Variants in CLIP1 observed in about 807,000 individuals in gnomAD.
The protein encoded by CLIP1 is CAP-Gly domain-containing linker protein 1.
In CLIP1, 66 loss-of-function variants were observed where a neutral mutation model predicts 161.6. The ratio of observed to expected loss-of-function variants is 0.41; its 90% CI spans 0.33 to 0.50. The LOEUF (loss-of-function observed/expected upper bound fraction) is 0.50. Ranked by LOEUF, CLIP1 falls within the 20% of genes least tolerant of loss-of-function variation. The pLI, the probability that CLIP1 is intolerant of heterozygous loss-of-function variation, is 0.27. For synonymous variants in CLIP1, 598 were observed against 626.2 expected (o/e 0.96, Z 0.67); for missense variants, 1,376 against 1,702.0 (o/e 0.81, Z 3.37).
intron 1 of CLIP1, among the ~76,000 whole-genome samples, chr12:122,404,445 A>G (rs1400009721): frequency 3.9e-5 from 6 of 152,096 alleles, no homozygotes; most frequent in Non-Finnish European, 7.3e-5. Flanking sequence ...CTAAAAATAT[A>G]AAAATTAGCT....
intron 2 of CLIP1, among the ~76,000 whole-genome samples, chr12:122,378,302 G>T (rs1050116472): frequency 3.3e-5 from 5 of 152,086 alleles, no homozygotes; most frequent in Admixed American, 2.0e-4. Flanking sequence ...GGCCAGGCTG[G>T]TCTCAAACTC....
chr12:122,374,411 G>A (rs917707952), intron 3 of CLIP1, among the ~76,000 whole-genome samples: 1 of 151,426 alleles, frequency 6.6e-6, no homozygotes, highest in African/African-American at 2.4e-5. Context: ...ACGAGGTCAA[G>A]AGATCGAGAC....
At chr12:122,412,060 C>CTTT (rs71082989) in intron 1 of CLIP1, among the ~76,000 whole-genome samples, 36 of 81,578 alleles carry the variant, frequency 4.4e-4, no homozygotes, top group African/African-American at 1.5e-3. Flanking sequence ...CAGTTATTTT[C>CTTT]TTTTTTTTTT....
At chr12:122,372,003 C>T (rs1014470944) in intron 3 of CLIP1, among the ~76,000 whole-genome samples, 10 of 152,090 alleles carry the variant, frequency 6.6e-5, no homozygotes, top group South Asian at 2.1e-4. Flanking sequence ...AAAACTTGGC[C>T]GGGCACAGTG....
Position 122,328,444 on chromosome 12 carries a change from A to G in CLIP1, c.2868-18T>C, listed in dbSNP as rs767319404. 1 of 1,490,856 alleles carries G rather than the reference A, an allele frequency of 6.7e-7. No individual in the cohort carries two copies. The highest frequency in any genetic ancestry group is 1.4e-5 in the South Asian group (1 of 72,298). The allele number at this position is 1,490,856 out of a possible 1,614,324, so 92.4% of individuals were successfully genotyped here. A position where few individuals can be genotyped will look rare whatever the true frequency, so the allele number is the denominator to read the frequency against. ...CTACATCTCTAGAAAAAGTTTCAAT[A>G]TAAGGTGTCAGATTTTTCATAAGAA... is the stretch of plus-strand genomic sequence containing the variant. On this transcript the variant is annotated intron_variant, in intron 15 of 25. Coordinates refer to ENST00000620786, the MANE Select transcript of CLIP1 (RefSeq NM_001247997.2).
At chr12:122,386,183 G>A (rs992693553) in intron 1 of CLIP1, among the ~76,000 whole-genome samples, 3 of 152,074 alleles carry the variant, frequency 2.0e-5, no homozygotes, top group Non-Finnish European at 2.9e-5. Context: ...TTACTTGGGA[G>A]GCTGAGTTAG....
At chr12:122,312,696 G>A (rs1224437707) in intron 19 of CLIP1, among the ~76,000 whole-genome samples, 3 of 152,098 alleles carry the variant, frequency 2.0e-5, no homozygotes, top group Non-Finnish European at 4.4e-5. Flanking sequence ...CCCGGGAGGT[G>A]GTGGCTGCAG....
In CLIP1 at chr12:122,289,335, C is replaced by T. The variant is rs540226616; in HGVS notation, c.3595-794G>A. 2.6e-5 allele frequency among the ~76,000 whole-genome samples: 4 copies of T among 152,054 alleles called. No homozygotes were observed. The East Asian group carries it at 7.9e-4, about 30-fold the overall frequency. On this transcript the variant is annotated intron_variant, in intron 20 of 25. Transcript: ENST00000620786. ...TCAGGAGGCTGAGGCAGGAGAATCG[C>T]TTGAACCCAGGAGGCAGAGGTTGCA...
intron 24 of CLIP1, chr12:122,276,570 G>T: frequency 4.6e-6 from 5 of 1,077,914 alleles, no homozygotes; most frequent in South Asian, 1.4e-5. Context: ...CTAATCCATG[G>T]TAAGTTTGTA....
chr12:122,409,659 G>A (rs1462644787), intron 1 of CLIP1, among the ~76,000 whole-genome samples: 1 of 151,448 alleles, frequency 6.6e-6, no homozygotes, highest in Non-Finnish European at 1.5e-5. Flanking sequence ...AGCCTCCCGA[G>A]TAGCTGGGAT....
rs974189697 is a variant in CLIP1, at chr12:122,341,767, T to C, written c.1507-70A>G. The C allele has an allele frequency of 1.6e-3, 353 of 219,830 alleles. 4 individuals are homozygous for C. Among genetic ancestry groups the C allele is most frequent in the African/African-American group, 4.1e-3 (31 of 7,496 alleles). 13.6% of individuals were successfully genotyped at this position (219,830 alleles called of 1,614,324 possible). On this transcript the variant is annotated intron_variant, in intron 10 of 25. Coordinates refer to ENST00000620786, the MANE Select transcript of CLIP1 (RefSeq NM_001247997.2). ...GTCATTGACTATTTTCTTTTCTTTT[T>C]TTTTTTTTTTTTTTTTTTTTTTTTT... is the stretch of plus-strand genomic sequence containing the variant.
intron 20 of CLIP1, among the ~76,000 whole-genome samples, chr12:122,302,885 C>T (rs1950743022): frequency 6.6e-6 from 1 of 152,284 alleles, no homozygotes; most frequent in African/African-American, 2.4e-5. Flanking sequence ...GCTTGAGCCA[C>T]CGTGCCCAGC....
At chr12:122,301,689 C>A (rs1950684594) in intron 20 of CLIP1, among the ~76,000 whole-genome samples, 2 of 152,024 alleles carry the variant, frequency 1.3e-5, no homozygotes, top group African/African-American at 4.8e-5. Flanking sequence ...AACAAAGAAC[C>A]CCACAACATT....
Position 122,316,741 on chromosome 12 carries a change from A to C in CLIP1, c.3473+8T>G, listed in dbSNP as rs754856518. The C allele has an allele frequency of 2.0e-6, 3 of 1,471,922 alleles. No individual in the cohort carries two copies. The highest frequency in any genetic ancestry group is 2.3e-5 in the East Asian group (1 of 43,850). 91.2% of individuals were successfully genotyped at this position (1,471,922 alleles called of 1,614,324 possible). On this transcript the variant is annotated splice_region_variant and intron_variant, in intron 19 of 25. Transcript: ENST00000620786. ...TCCATATTTTTTTCTCAAAGGATAG[A>C]AACTTACATTTCTTTCCTAAATTCT...
Position 122,272,232 on chromosome 12 carries a change from G to C in CLIP1, c.*643C>G, listed in dbSNP as rs914489392. On this transcript the variant is annotated 3_prime_UTR_variant, in exon 26 of 26. Transcript: ENST00000620786. The stretch of plus-strand genomic sequence containing the variant: ...CAAAACACCACAGTAGATTAAGTGG[G>C]TGCAGCATATAGATTATAAAATGTC... 6.5e-6 allele frequency: 1 copy of C among 152,804 alleles called. No homozygotes were observed. Among genetic ancestry groups the C allele is most frequent in the Non-Finnish European group, 1.5e-5 (1 of 68,098 alleles). The allele number at this position is 152,804 out of a possible 1,614,324, so 9.5% of individuals were successfully genotyped here. A position where few individuals can be genotyped will look rare whatever the true frequency, so the allele number is the denominator to read the frequency against.
chr12:122,399,471 G>A (rs948824539), intron 1 of CLIP1: 7 of 152,178 alleles, frequency 4.6e-5, no homozygotes, highest in African/African-American at 1.7e-4. Context: ...AGCACCTCCT[G>A]GCACACATAG....
At chr12:122,410,875 TAAATA>T (rs1956503887) in intron 1 of CLIP1, among the ~76,000 whole-genome samples, 2 of 152,146 alleles carry the variant, frequency 1.3e-5, no homozygotes, top group Middle Eastern at 3.4e-3. Flanking sequence ...AGCCACCAGG[TAAATA>T]CAAATCAAAA....
chr12:122,334,614 TA>T, intron 13 of CLIP1, 33 bp downstream of exon 13: 1 of 1,460,666 alleles, frequency 6.8e-7, no homozygotes, highest in Non-Finnish European at 9.4e-7. Flanking sequence ...TGATATTTTT[TA>T]AAGCAATCTG....
chr12:122,294,040 A>G (rs1008963254), intron 20 of CLIP1, among the ~76,000 whole-genome samples: 16 of 151,912 alleles, frequency 1.1e-4, no homozygotes, highest in Admixed American at 2.6e-4. Flanking sequence ...CACGAATTCA[A>G]AACAACTTTA....
Sources: gnomAD v4.1 joint callset for allele counts (sites outside exome capture counted in the v4.1 genomes callset) on GRCh38, gnomAD v4.1.1 for gene constraint, MANE v1.5 for transcripts, NCBI Gene and HGNC (gene_info 2026-07-23, HGNC 2026-07-21) for gene names.